Variants in RASGRP1 observed in about 807,000 individuals in gnomAD.
RASGRP1 encodes the protein RAS guanyl-releasing protein 1.
RASGRP1 carries 37 observed loss-of-function variants against 95.1 expected under a neutral mutation model. The observed-to-expected ratio is 0.39, with a 90% CI of 0.30 to 0.51. The LOEUF is 0.51. RASGRP1 is among the 20% of genes least tolerant of loss of function. The pLI is 0.80. For synonymous variants in RASGRP1, 325 were observed against 353.4 expected (o/e 0.92, Z 0.90); for missense variants, 711 against 965.4 (o/e 0.74, Z 3.49).
intron 16 of RASGRP1, 70 bp downstream of exon 16, chr15:38,494,312 A>C (rs776746308): frequency 1.8e-4 from 283 of 1,561,668 alleles, no homozygotes; most frequent in Admixed American, 9.8e-4. Context: ...TTCAGTCCAC[A>C]TGCTCTTTCC....
intron 3 of RASGRP1, among the ~76,000 whole-genome samples, chr15:38,522,357 T>C (rs1892035288): frequency 6.6e-6 from 1 of 152,212 alleles, no homozygotes; most frequent in Admixed American, 6.5e-5. Flanking sequence ...GAAACGGTCA[T>C]CTATAAAGAC....
intron 2 of RASGRP1, among the ~76,000 whole-genome samples, chr15:38,558,654 C>T (rs1330609799): frequency 6.6e-6 from 1 of 152,124 alleles, no homozygotes; most frequent in Non-Finnish European, 1.5e-5. Flanking sequence ...AACAAAGAAA[C>T]AAACAAAAAA....
chr15:38,556,146 C>T (rs888909828), intron 2 of RASGRP1, among the ~76,000 whole-genome samples: 1 of 152,170 alleles, frequency 6.6e-6, no homozygotes, highest in African/African-American at 2.4e-5. Context: ...CCTTATTATG[C>T]TCAGCTGAAG....
At chr15:38,513,024 T>A (rs758313982) in intron 6 of RASGRP1, 68 bp from the exon 7 acceptor site, 38 of 1,385,198 alleles carry the variant, frequency 2.7e-5, no homozygotes, top group Non-Finnish European at 3.6e-5. Flanking sequence ...TCCAGAAGAT[T>A]TAAGGGACAA....
chr15:38,537,710 T>C (rs1892710326), intron 2 of RASGRP1, among the ~76,000 whole-genome samples: 1 of 152,112 alleles, frequency 6.6e-6, no homozygotes, highest in South Asian at 2.1e-4. Flanking sequence ...ATCTCCAACA[T>C]TACATTTCAA....
intron 6 of RASGRP1, among the ~76,000 whole-genome samples, chr15:38,514,949 G>C (rs1416154224): frequency 6.6e-6 from 1 of 152,158 alleles, no homozygotes; most frequent in Non-Finnish European, 1.5e-5. Flanking sequence ...GAACTCCTGA[G>C]GCAGAGCTTT....
intron 14 of RASGRP1, 91 bp from the exon 15 acceptor site, chr15:38,499,037 TCA>T: frequency 6.7e-7 from 1 of 1,498,590 alleles, no homozygotes; most frequent in Non-Finnish European, 9.3e-7. Context: ...TGCTTTCTTG[TCA>T]CACATGTCTG....
chr15:38,501,521 C>G, intron 12 of RASGRP1: 1 of 648,840 alleles, frequency 1.5e-6, no homozygotes, highest in South Asian at 1.5e-5. Flanking sequence ...TTTGGCCAAA[C>G]TAGGTTTCCC....
intron 3 of RASGRP1, among the ~76,000 whole-genome samples, chr15:38,519,596 G>A (rs984936221): frequency 3.5e-4 from 53 of 152,100 alleles, no homozygotes; most frequent in African/African-American, 1.2e-3. Context: ...TCCAGCCCAC[G>A]TCGACCTGGC....
intron 3 of RASGRP1, among the ~76,000 whole-genome samples, 184 bp downstream of exon 3, chr15:38,526,115 C>T (rs1463598050): frequency 6.6e-6 from 1 of 152,110 alleles, no homozygotes; most frequent in Non-Finnish European, 1.5e-5. Flanking sequence ...AACATTGCCC[C>T]ACCCAACAGA....
intron 2 of RASGRP1, among the ~76,000 whole-genome samples, chr15:38,551,327 C>G (rs1181410008): frequency 6.6e-6 from 1 of 152,166 alleles, no homozygotes; most frequent in African/African-American, 2.4e-5. Flanking sequence ...CACCTTCTTC[C>G]AGACACTTTA....
At chr15:38,500,451 CCTGT>C (rs1890970015) in intron 13 of RASGRP1, among the ~76,000 whole-genome samples, 1 of 152,056 alleles carries the variant, frequency 6.6e-6, no homozygotes, top group Non-Finnish European at 1.5e-5. Context: ...AAGCAATTCT[CCTGT>C]CTCAGTTTCC....
intron 2 of RASGRP1, among the ~76,000 whole-genome samples, chr15:38,546,657 T>C (rs1566935136): frequency 6.6e-6 from 1 of 152,254 alleles, no homozygotes; most frequent in Non-Finnish European, 1.5e-5. Context: ...AAAGTTACTA[T>C]GTGTCAGCAT....
At chr15:38,519,480 A>C (rs1891915639) in intron 3 of RASGRP1, 109 bp from the exon 4 acceptor site, 2 of 848,460 alleles carry the variant, frequency 2.4e-6, no homozygotes, top group Non-Finnish European at 3.8e-6. Context: ...TTTCTAAAAA[A>C]TGAAAATGTG....
At chr15:38,563,351 A>C (rs923975196) in intron 1 of RASGRP1, among the ~76,000 whole-genome samples, 2 of 152,202 alleles carry the variant, frequency 1.3e-5, no homozygotes, top group African/African-American at 4.8e-5. Flanking sequence ...CGAGAGAAAC[A>C]AATTAACTTG....
chr15:38,517,372 A>G (rs1891831635), intron 5 of RASGRP1, among the ~76,000 whole-genome samples: 1 of 152,216 alleles, frequency 6.6e-6, no homozygotes, highest in South Asian at 2.1e-4. Flanking sequence ...TGAAGAAACT[A>G]TTACTTTGAA....
At chr15:38,530,704 T>C (rs7403531) in intron 2 of RASGRP1, among the ~76,000 whole-genome samples, 116,171 of 152,168 alleles carry the variant, frequency 0.76, 44,572 homozygotes, top group African/African-American at 0.81. Context: ...TTATGGCTGG[T>C]TAGCATCTTC....
chr15:38,508,085 G>A (rs1359184067), intron 8 of RASGRP1, 84 bp from the exon 9 acceptor site: 2 of 1,445,936 alleles, frequency 1.4e-6, no homozygotes, highest in African/African-American at 1.4e-5. Flanking sequence ...TTTGCATCCT[G>A]TGCCATGATC....
intron 2 of RASGRP1, among the ~76,000 whole-genome samples, chr15:38,541,423 T>C (rs187224537): frequency 1.8e-4 from 27 of 152,170 alleles, no homozygotes; most frequent in African/African-American, 6.3e-4. Context: ...GGACCTCATC[T>C]CTACTGAGAA....
Sources: gnomAD v4.1 joint callset for allele counts (sites outside exome capture counted in the v4.1 genomes callset) on GRCh38, gnomAD v4.1.1 for gene constraint, MANE v1.5 for transcripts, NCBI Gene and HGNC (gene_info 2026-07-23, HGNC 2026-07-21) for gene names.